KLF17: variants seen among roughly 807,000 people sequenced by gnomAD.
KLF17 encodes the protein KLF transcription factor 17.
Under a neutral mutation model 34.2 loss-of-function variants are expected in KLF17, and 31 were observed. The ratio of observed to expected loss-of-function variants is 0.91; its 90% confidence interval spans 0.68 to 1.22. KLF17 has a LOEUF of 1.22. KLF17 is among the 50% of genes most tolerant of loss of function. The probability of loss-of-function intolerance (pLI) is 0.00; values close to 1 mark genes in which losing one functional copy is unlikely to be tolerated. For synonymous variants in KLF17, 179 were observed against 186.7 expected, an observed-to-expected ratio of 0.96 and a Z score of 0.34; for missense variants, 478 against 505.2, an observed-to-expected ratio of 0.95 and a Z score of 0.52.
At chr1:44,102,156 T>G in the KLF17 span, among the ~76,000 whole-genome samples, 4 of 152,106 alleles carry the variant, frequency 2.6e-5, no homozygotes, top group African/African-American at 9.7e-5. Flanking sequence ...AATAATCACT[T>G]TAATTGTCAA....
the KLF17 span, among the ~76,000 whole-genome samples, chr1:44,093,286 G>A: frequency 1.3e-5 from 2 of 152,190 alleles, no homozygotes; most frequent in Non-Finnish European, 2.9e-5. Context: ...TATAGAGAGA[G>A]TAGCTCCCTG....
chr1:44,050,083 T>C, the KLF17 span, among the ~76,000 whole-genome samples: 119 of 152,370 alleles, frequency 7.8e-4, no homozygotes, highest in African/African-American at 2.4e-3. Context: ...GGCATATGCA[T>C]ATCTTCACCT....
chr1:44,063,041 T>A, the KLF17 span, among the ~76,000 whole-genome samples: 1 of 152,158 alleles, frequency 6.6e-6, no homozygotes, highest in South Asian at 2.1e-4. Context: ...TCCAGTGGAA[T>A]ATTACGTGGC....
At chr1:44,066,765 A>T in the KLF17 span, among the ~76,000 whole-genome samples, 524 of 152,322 alleles carry the variant, frequency 3.4e-3, 5 homozygotes, top group African/African-American at 0.012. Flanking sequence ...TAAAAGAACC[A>T]TTCAAATGCC....
the KLF17 span, among the ~76,000 whole-genome samples, chr1:44,086,201 T>G: frequency 1.3e-5 from 2 of 152,158 alleles, no homozygotes; most frequent in Non-Finnish European, 2.9e-5. Flanking sequence ...GCGTGGTGGC[T>G]CACGCCTGTA....
At chr1:44,090,966 A>ACG in the KLF17 span, among the ~76,000 whole-genome samples, 1 of 151,572 alleles carries the variant, frequency 6.6e-6, no homozygotes, top group African/African-American at 2.4e-5. Flanking sequence ...GCATGCACAC[A>ACG]CACACACAGA....
chr1:44,119,292 G>A (rs182715085), intron 1 of KLF17, among the ~76,000 whole-genome samples: 34 of 152,070 alleles, frequency 2.2e-4, no homozygotes, highest in African/African-American at 6.8e-4. Context: ...CCCAGCAGTA[G>A]AGCTTGTGTT....
At chr1:44,076,373 A>G in the KLF17 span, 1 of 152,264 alleles carries the variant, frequency 6.6e-6, no homozygotes, top group African/African-American at 2.4e-5. Context: ...AATCAGCACA[A>G]TAACATTGTA....
the KLF17 span, among the ~76,000 whole-genome samples, chr1:44,072,297 C>A: frequency 6.6e-6 from 1 of 152,000 alleles, no homozygotes; most frequent in Non-Finnish European, 1.5e-5. Context: ...TGGAAATGCC[C>A]CTTAGAAATC....
the KLF17 span, among the ~76,000 whole-genome samples, chr1:44,099,826 G>GAAA: frequency 3.8e-5 from 2 of 52,382 alleles, no homozygotes; most frequent in African/African-American, 1.6e-4. Flanking sequence ...GAAAGAAAAA[G>GAAA]AAGAAAGAAA....
At chr1:44,092,001 C>T in the KLF17 span, among the ~76,000 whole-genome samples, 2 of 142,604 alleles carry the variant, frequency 1.4e-5, no homozygotes, top group Non-Finnish European at 3.1e-5. Flanking sequence ...TGCCCACTTC[C>T]CTCCCCCAAA....
At chr1:44,078,638 G>T in the KLF17 span, among the ~76,000 whole-genome samples, 2 of 152,048 alleles carry the variant, frequency 1.3e-5, no homozygotes, top group Non-Finnish European at 2.9e-5. Flanking sequence ...GGGTTTCACC[G>T]TGTTAGCCAG....
chr1:44,127,634 C>CTTTTCTTTCT lies in KLF17; in HGVS notation c.82-1716_82-1715insTCTTTCTTTT, dbSNP rs11401670. ...TCTTTCTTTTCTTTTCTTTTCTTTTCTTTCCTTCTTTCTTTCTTTCTTTCT... is the reference window on the plus strand; with the variant it reads ...TCTTTCTTTTCTTTTCTTTTCTTTTCTTTTCTTTCTTTTCCTTCTTTCTTTCTTTCTTTCT... On this transcript the variant is annotated intron_variant, in intron 1 of 3. Coordinates refer to ENST00000372299, the MANE Select transcript of KLF17 (RefSeq NM_173484.4). Among the ~76,000 whole-genome samples, 206 of 41,044 alleles carry CTTTTCTTTCT rather than the reference C, an allele frequency of 5.0e-3. 11 individuals are homozygous for CTTTTCTTTCT. The highest frequency in any genetic ancestry group is 0.014 in the African/African-American group (195 of 14,272). The allele number at this position is 41,044 out of a possible 152,430, so 26.9% of individuals were successfully genotyped here. A position where few individuals can be genotyped will look rare whatever the true frequency, so the allele number is the denominator to read the frequency against.
chr1:44,131,768 C>T (rs978865691), intron 3 of KLF17, among the ~76,000 whole-genome samples: 1 of 152,156 alleles, frequency 6.6e-6, no homozygotes, highest in African/African-American at 2.4e-5. Flanking sequence ...GATCTCAGCT[C>T]ACTGCAACCT....
the KLF17 span, among the ~76,000 whole-genome samples, chr1:44,067,515 A>T: frequency 6.6e-6 from 1 of 152,142 alleles, no homozygotes; most frequent in East Asian, 1.9e-4. Flanking sequence ...GTGGGAGAGA[A>T]ACAGGATAGG....
the KLF17 span, among the ~76,000 whole-genome samples, chr1:44,049,941 G>A: frequency 2.0e-5 from 3 of 152,192 alleles, no homozygotes; most frequent in Non-Finnish European, 4.4e-5. Flanking sequence ...AGTAGACTAA[G>A]GTGACTTAAG....
At chr1:44,126,906 T>C (rs1458068394) in intron 1 of KLF17, among the ~76,000 whole-genome samples, 3 of 151,994 alleles carry the variant, frequency 2.0e-5, no homozygotes, top group Non-Finnish European at 4.4e-5. Context: ...ATTATTATTA[T>C]TTATTTTGAG....
chr1:44,118,285 C>G (rs2087902047), upstream of KLF17, among the ~76,000 whole-genome samples: 1 of 152,208 alleles, frequency 6.6e-6, no homozygotes, highest in Non-Finnish European at 1.5e-5. Flanking sequence ...GTTCAGAGAT[C>G]AGTGCCCAAC....
chr1:44,129,371 C>G lies in KLF17; in HGVS notation c.100C>G (p.Pro34Ala). Reference sequence around the variant, plus strand: ...CCCCAAGGATAACGAGAACTCAGCGCCCATCTTGAACATGTCTTCATCTTC... The same window carrying G: ...CCCCAAGGATAACGAGAACTCAGCGGCCATCTTGAACATGTCTTCATCTTC... ...QAAQDNENSA[P>A]ILNMSSSSGS... Residue 34 changes from proline (P) to alanine (A), a missense_variant, in exon 2 of 4, where the codon CCC becomes GCC. Transcript: ENST00000372299. The G allele has an allele frequency of 6.6e-7, 1 of 1,515,184 alleles. No homozygotes were observed. Among genetic ancestry groups the G allele is most frequent in the Non-Finnish European group, 8.8e-7 (1 of 1,132,118 alleles). 93.9% of individuals were successfully genotyped at this position (1,515,184 alleles called of 1,614,324 possible).
Sources: allele counts gnomAD v4.1 joint callset (sites outside exome capture counted in the v4.1 genomes callset), GRCh38; gene constraint gnomAD v4.1.1; transcripts MANE v1.5; gene names NCBI Gene and HGNC (gene_info 2026-07-23, HGNC 2026-07-21).